The following AP2B1 variants were observed in gnomAD, a reference collection of about 807,000 sequenced individuals.
AP2B1 encodes the protein AP-2 complex subunit beta.
In AP2B1, 23 loss-of-function variants were observed where a neutral mutation model predicts 102.0. That is an observed-to-expected ratio of 0.23 (90% CI 0.16 to 0.32). AP2B1 has a LOEUF of 0.32. Ranked by LOEUF, AP2B1 falls within the 10% of genes least tolerant of loss-of-function variation. The pLI is 1.00. For missense variants in AP2B1, 541 were observed against 1,157.4 expected (o/e 0.47, Z 7.73); for synonymous variants, 381 against 421.2 (o/e 0.90, Z 1.17).
intron 5 of AP2B1, among the ~76,000 whole-genome samples, chr17:35,615,202 A>C (rs921176017): frequency 3.3e-5 from 5 of 152,304 alleles, no homozygotes; most frequent in African/African-American, 4.8e-5. Flanking sequence ...GCTTACTAGA[A>C]ATGTGGCTTT....
intron 3 of AP2B1, among the ~76,000 whole-genome samples, chr17:35,600,091 A>T (rs898203778): frequency 2.6e-5 from 4 of 151,314 alleles, no homozygotes; most frequent in African/African-American, 4.9e-5. Flanking sequence ...ATTTATCATT[A>T]TTTTTTTTGA....
At chr17:35,590,169 C>T (rs1422572244) in intron 1 of AP2B1, among the ~76,000 whole-genome samples, 1 of 152,106 alleles carries the variant, frequency 6.6e-6, no homozygotes, top group East Asian at 1.9e-4. Context: ...TGTGATCCGC[C>T]CGCCTCCCAA....
At position 35,594,074 on chromosome 17, in the gene AP2B1, A is replaced by G; in HGVS notation, c.37+7A>G. The G allele has an allele frequency of 6.3e-7, 1 of 1,581,736 alleles. No individual in the cohort carries two copies. Among genetic ancestry groups the G allele is most frequent in the Non-Finnish European group, 8.6e-7 (1 of 1,159,708 alleles). ...TTCACAACCAATAAAAAAGGTAAGTATGAGAATACAATCAAATCTTTTGAA... is the reference window on the plus strand; with the variant it reads ...TTCACAACCAATAAAAAAGGTAAGTGTGAGAATACAATCAAATCTTTTGAA... On this transcript the variant is annotated splice_region_variant and intron_variant, in intron 2 of 21. Coordinates refer to ENST00000610402, the MANE Select transcript of AP2B1 (RefSeq NM_001030006.2).
chr17:35,614,071 T>C (rs1462899230), intron 5 of AP2B1, among the ~76,000 whole-genome samples: 1 of 152,218 alleles, frequency 6.6e-6, no homozygotes, highest in Non-Finnish European at 1.5e-5. Flanking sequence ...TCTTTTTTGC[T>C]CTCAGAGGCA....
intron 3 of AP2B1, among the ~76,000 whole-genome samples, chr17:35,600,085 A>T (rs939816635): frequency 6.6e-6 from 1 of 151,866 alleles, no homozygotes; most frequent in African/African-American, 2.4e-5. Flanking sequence ...TTATTTATTT[A>T]TCATTATTTT....
chr17:35,705,321 T>C (rs1248788061), intron 18 of AP2B1, among the ~76,000 whole-genome samples: 3 of 152,174 alleles, frequency 2.0e-5, no homozygotes, highest in Non-Finnish European at 2.9e-5. Context: ...GATGACAATT[T>C]ACCAAGGCAG....
chr17:35,664,667 T>C (rs555440126), intron 14 of AP2B1, among the ~76,000 whole-genome samples: 1 of 152,336 alleles, frequency 6.6e-6, no homozygotes, highest in Non-Finnish European at 1.5e-5. Context: ...AATATTTGAG[T>C]GCCTAGTATT....
At chr17:35,625,669 T>C (rs895185392) in intron 6 of AP2B1, among the ~76,000 whole-genome samples, 1 of 151,440 alleles carries the variant, frequency 6.6e-6, no homozygotes, top group Admixed American at 6.6e-5. Flanking sequence ...ATATATAATA[T>C]GTATAGATAG....
intron 21 of AP2B1, 99 bp downstream of exon 21, chr17:35,717,448 T>G: frequency 7.4e-7 from 1 of 1,356,706 alleles, no homozygotes. Flanking sequence ...AGGAGGTGCT[T>G]TAAACCTGAG....
chr17:35,696,464 A>G (rs1269565137), intron 18 of AP2B1, among the ~76,000 whole-genome samples: 2 of 149,716 alleles, frequency 1.3e-5, no homozygotes, highest in Non-Finnish European at 3.0e-5. Flanking sequence ...GCTGGAGTCA[A>G]TGGTGCCATC....
At chr17:35,691,334 C>T (rs1391702288) in intron 18 of AP2B1, among the ~76,000 whole-genome samples, 1 of 152,154 alleles carries the variant, frequency 6.6e-6, no homozygotes, top group East Asian at 1.9e-4. Flanking sequence ...GCAGATGGTG[C>T]TTGTCCCTGA....
chr17:35,715,683 C>A (rs587761992), intron 20 of AP2B1, among the ~76,000 whole-genome samples: 40 of 152,322 alleles, frequency 2.6e-4, no homozygotes, highest in African/African-American at 9.1e-4. Flanking sequence ...TGCCTCATCC[C>A]CCACAAGGTG....
At chr17:35,670,769 A>G in intron 14 of AP2B1, 88 bp from the exon 15 acceptor site, 2 of 1,361,250 alleles carry the variant, frequency 1.5e-6, no homozygotes, top group South Asian at 2.4e-5. Context: ...GCAACTTGGT[A>G]GAGCAATTTA....
chr17:35,712,883 A>T (rs2076479991), intron 20 of AP2B1, among the ~76,000 whole-genome samples: 1 of 152,250 alleles, frequency 6.6e-6, no homozygotes, highest in Admixed American at 6.5e-5. Context: ...CTTGAACATG[A>T]TCTGGAAAAC....
intron 12 of AP2B1, among the ~76,000 whole-genome samples, chr17:35,649,365 T>C (rs891368461): frequency 4.6e-5 from 7 of 151,884 alleles, no homozygotes; most frequent in Non-Finnish European, 8.8e-5. Context: ...GCCTCCCGGG[T>C]TCGAGTGATT....
intron 20 of AP2B1, among the ~76,000 whole-genome samples, chr17:35,711,467 C>A: frequency 6.7e-6 from 1 of 148,250 alleles, no homozygotes; most frequent in Non-Finnish European, 1.5e-5. Flanking sequence ...TCCAGCTTCC[C>A]CCACCCCACT....
rs1241165302 is a variant in AP2B1 at position 35,671,900 on chromosome 17, T to G, written c.2178T>G (p.Ala726=). 3.7e-6 allele frequency: 6 copies of G among 1,613,692 alleles called. No individual in the cohort carries two copies. In the Admixed American group the frequency reaches 1.0e-4, roughly 27 times the overall value. Residue 726 remains alanine (A), a splice_region_variant and synonymous_variant, in exon 16 of 22, where the codon GCT becomes GCG. Transcript: ENST00000610402. ...CTGGTGGATATGTGGCTCCTAAGGC[T>G]GTAAGTAAAGAGTTAACATAGCAAT... is the stretch of plus-strand genomic sequence containing the variant. ...MAPGGYVAPK[A]VWLPAVKAKG... is the part of the protein sequence containing the mutation.
chr17:35,661,606 T>C (rs1443200312), intron 14 of AP2B1, among the ~76,000 whole-genome samples: 1 of 152,344 alleles, frequency 6.6e-6, no homozygotes, highest in South Asian at 2.1e-4. Flanking sequence ...TTTGACCAAT[T>C]TAGATATGGT....
chr17:35,633,811 T>A (rs1435288391), intron 9 of AP2B1, among the ~76,000 whole-genome samples: 1 of 152,174 alleles, frequency 6.6e-6, no homozygotes, highest in Admixed American at 6.5e-5. Flanking sequence ...TGTCCCTAAT[T>A]ATGTAAAAAT....
Sources: allele counts gnomAD v4.1 joint callset (sites outside exome capture counted in the v4.1 genomes callset), GRCh38; gene constraint gnomAD v4.1.1; transcripts MANE v1.5; gene names NCBI Gene and HGNC (gene_info 2026-07-23, HGNC 2026-07-21).